The following CSMD1 variants were observed in gnomAD, a reference collection of about 807,000 sequenced individuals.
The protein encoded by CSMD1 is CUB and sushi domain-containing protein 1.
A neutral mutation model predicts 417.5 loss-of-function variants in CSMD1; 213 were observed. That is an observed-to-expected ratio of 0.51 (90% confidence interval 0.46 to 0.57). The LOEUF (loss-of-function observed/expected upper bound fraction) is 0.57. CSMD1 is among the 20% of genes least tolerant of loss of function. CSMD1 has a pLI of 0.00. For synonymous variants in CSMD1, 2,862 were observed against 1,736.8 expected, an observed-to-expected ratio of 1.65 and a Z score of -16.11; for missense variants, 6,923 against 4,529.7, an observed-to-expected ratio of 1.53 and a Z score of -15.17.
chr8:3,399,554 T>C (rs774518090), intron 15 of CSMD1, 25 bp from the exon 16 acceptor site: 5 of 1,545,870 alleles, frequency 3.2e-6, no homozygotes, highest in Non-Finnish European at 4.4e-6. Context: ...AGAATATCTA[T>C]TAGATCCAAT....
intron 10 of CSMD1, among the ~76,000 whole-genome samples, chr8:3,550,460 AC>A (rs1798862388): frequency 6.6e-6 from 1 of 152,206 alleles, no homozygotes; most frequent in Non-Finnish European, 1.5e-5. Context: ...TTTTTAATTG[AC>A]ACATGGCGGC....
At chr8:4,859,053 G>C in intron 1 of CSMD1, among the ~76,000 whole-genome samples, 1 of 151,792 alleles carries the variant, frequency 6.6e-6, no homozygotes, top group South Asian at 2.1e-4. Flanking sequence ...GCATGGTACT[G>C]GTACCAAAAC....
At chr8:4,214,107 T>A (rs960383980) in intron 3 of CSMD1, among the ~76,000 whole-genome samples, 6 of 151,882 alleles carry the variant, frequency 4.0e-5, no homozygotes, top group African/African-American at 1.5e-4. Flanking sequence ...CTCAATTTCA[T>A]TCCAGTTTTT....
chr8:4,337,706 G>C (rs909105091), intron 3 of CSMD1, among the ~76,000 whole-genome samples: 6 of 152,082 alleles, frequency 3.9e-5, no homozygotes, highest in African/African-American at 1.2e-4. Context: ...TTTTAAAAGA[G>C]TACACTCAAG....
intron 2 of CSMD1, among the ~76,000 whole-genome samples, chr8:4,562,676 C>T (rs551927730): frequency 4.6e-5 from 7 of 152,202 alleles, no homozygotes; most frequent in South Asian, 4.2e-4. Flanking sequence ...GAGCAAGTCA[C>T]GCCACTGGTG....
intron 23 of CSMD1, among the ~76,000 whole-genome samples, chr8:3,316,557 G>C (rs904463709): frequency 6.6e-6 from 1 of 152,158 alleles, no homozygotes; most frequent in Non-Finnish European, 1.5e-5. Flanking sequence ...AGCAGGTCTA[G>C]GGGCCTCCTG....
At chr8:3,470,495 C>A (rs751413750) in intron 11 of CSMD1, among the ~76,000 whole-genome samples, 1 of 152,146 alleles carries the variant, frequency 6.6e-6, no homozygotes, top group Non-Finnish European at 1.5e-5. Context: ...ATACAACCTA[C>A]CAGCCTCGTT....
At chr8:3,504,581 T>C (rs1202453427) in intron 10 of CSMD1, among the ~76,000 whole-genome samples, 1 of 152,202 alleles carries the variant, frequency 6.6e-6, no homozygotes, top group Non-Finnish European at 1.5e-5. Flanking sequence ...ATTCTGTTAT[T>C]TCAAATCTCA....
intron 2 of CSMD1, among the ~76,000 whole-genome samples, chr8:4,424,124 C>G (rs1181789495): frequency 6.6e-6 from 1 of 151,898 alleles, no homozygotes; most frequent in African/African-American, 2.4e-5. Context: ...GCTTTTGAGT[C>G]TAGGGCTAGA....
chr8:4,488,069 G>C (rs561269344), intron 2 of CSMD1, among the ~76,000 whole-genome samples: 2 of 152,314 alleles, frequency 1.3e-5, no homozygotes, highest in South Asian at 4.1e-4. Context: ...TTCTGTCTCT[G>C]CCATGTGAGG....
Position 3,998,028 on chromosome 8 carries a change from G to C in CSMD1, c.693C>G (p.Asn231Lys), listed in dbSNP as rs776759317. Residue 231 changes from asparagine (N) to lysine (K), a missense_variant, in exon 5 of 70, where the codon AAC becomes AAG. Asn to Lys is a moderately conservative substitution (Grantham distance 94). Transcript: ENST00000635120. ...CCAGAATGGTCCAGGTGCAGTCCGC[G>C]TTGTTCTCGTACTCTGAAGGGAAGT... ...SPHFPSEYEN[N>K]ADCTWTILAE... is the part of the protein sequence containing the mutation. The C allele has an allele frequency of 2.5e-6, 4 of 1,604,926 alleles. No individual in the cohort carries two copies. The highest frequency in any genetic ancestry group is 3.4e-6 in the Non-Finnish European group (4 of 1,175,402).
intron 10 of CSMD1, among the ~76,000 whole-genome samples, chr8:3,541,682 T>A (rs1798444660): frequency 6.7e-6 from 1 of 149,546 alleles, no homozygotes; most frequent in African/African-American, 2.4e-5. Context: ...CACCCTATAA[T>A]TAGTACTAGT....
intron 26 of CSMD1, among the ~76,000 whole-genome samples, chr8:3,276,230 T>A (rs927641300): frequency 2.6e-5 from 4 of 152,120 alleles, no homozygotes; most frequent in African/African-American, 9.7e-5. Flanking sequence ...TGCCTCTCAG[T>A]TAGGCTTCTT....
chr8:4,402,446 A>T (rs770555249), intron 3 of CSMD1, among the ~76,000 whole-genome samples: 13 of 152,150 alleles, frequency 8.5e-5, no homozygotes, highest in Admixed American at 3.3e-4. Context: ...ACTGGAAGAT[A>T]GCATGGAGCT....
chr8:3,178,958 T>G (rs1821114152), intron 37 of CSMD1, among the ~76,000 whole-genome samples: 1 of 150,450 alleles, frequency 6.6e-6, no homozygotes, highest in African/African-American at 2.4e-5. Context: ...CTTTTTTTTT[T>G]TTTTTTTGAG....
At chr8:3,843,581 C>G (rs942533517) in intron 5 of CSMD1, among the ~76,000 whole-genome samples, 3 of 151,700 alleles carry the variant, frequency 2.0e-5, no homozygotes, top group Non-Finnish European at 2.9e-5. Context: ...GTCAATGCAT[C>G]CAGTTGGAAG....
intron 3 of CSMD1, among the ~76,000 whole-genome samples, chr8:4,073,443 C>T (rs761342626): frequency 2.6e-5 from 4 of 152,036 alleles, no homozygotes; most frequent in Admixed American, 6.5e-5. Flanking sequence ...TTATTCTGTG[C>T]GACTGTCTTA....
chr8:4,251,497 G>C (rs1374523022), intron 3 of CSMD1, among the ~76,000 whole-genome samples: 1 of 152,060 alleles, frequency 6.6e-6, no homozygotes, highest in Non-Finnish European at 1.5e-5. Flanking sequence ...AGAAGACAAA[G>C]GACAAGATAG....
At chr8:3,160,060 G>A (rs1417612563) in intron 38 of CSMD1, among the ~76,000 whole-genome samples, 1 of 152,178 alleles carries the variant, frequency 6.6e-6, no homozygotes, top group Admixed American at 6.5e-5. Context: ...CACAAAAACA[G>A]CATGTCAGTA....
Sources: gnomAD v4.1 joint callset for allele counts (sites outside exome capture counted in the v4.1 genomes callset) on GRCh38, gnomAD v4.1.1 for gene constraint, MANE v1.5 for transcripts, NCBI Gene and HGNC (gene_info 2026-07-23, HGNC 2026-07-21) for gene names.